TBC1D8B: variants seen among roughly 807,000 people sequenced by gnomAD.
TBC1D8B encodes the protein TBC1 domain family member 8B.
TBC1D8B carries 75 observed loss-of-function variants against 82.9 expected under a neutral mutation model. The ratio of observed to expected loss-of-function variants is 0.90; its 90% confidence interval spans 0.75 to 1.10. TBC1D8B has a LOEUF of 1.10. Ranked by LOEUF, TBC1D8B falls within the 50% of genes least tolerant of loss-of-function variation. The pLI is 0.00. For missense variants in TBC1D8B, 794 were observed against 796.9 expected, an observed-to-expected ratio of 1.00 and a Z score of 0.04; for synonymous variants, 276 against 276.8, an observed-to-expected ratio of 1.00 and a Z score of 0.03.
chrX:106,815,223 A>T (rs1196205018), intron 1 of TBC1D8B: 1 of 111,947 alleles, frequency 8.9e-6, no homozygotes, highest in Non-Finnish European at 1.9e-5. Flanking sequence ...TAATTTTTGT[A>T]TAAGGTGTAA....
chrX:106,838,883 A>G (rs1932236831), intron 7 of TBC1D8B, among the ~76,000 whole-genome samples: 1 of 111,679 alleles, frequency 9.0e-6, no homozygotes, highest in Non-Finnish European at 1.9e-5. Context: ...TGAAACTCCA[A>G]AAGATCCACT....
At chrX:106,816,432 C>T (rs1437239968) in intron 1 of TBC1D8B, among the ~76,000 whole-genome samples, 1 of 111,428 alleles carries the variant, frequency 9.0e-6, no homozygotes, top group Non-Finnish European at 1.9e-5. Flanking sequence ...CTCATAGTCA[C>T]TATTTCAATG....
At chrX:106,848,892 C>A (rs1205899087) in intron 11 of TBC1D8B, among the ~76,000 whole-genome samples, 1 of 109,532 alleles carries the variant, frequency 9.1e-6, no homozygotes, top group Non-Finnish European at 1.9e-5. Context: ...GCCTCAGCCT[C>A]CCGAGTAGCT....
At chrX:106,807,256 C>T (rs1931216350) in intron 1 of TBC1D8B, among the ~76,000 whole-genome samples, 2 of 101,652 alleles carry the variant, frequency 2.0e-5, no homozygotes, top group Admixed American at 1.1e-4. Context: ...AATAAGTTAA[C>T]ATTTTGGCTT....
chrX:106,818,562 A>G (rs1211153307), intron 1 of TBC1D8B, 101 bp from the exon 2 acceptor site: 3 of 564,490 alleles, frequency 5.3e-6, no homozygotes, highest in Non-Finnish European at 7.9e-6. Flanking sequence ...TATGGGCTAG[A>G]AAAGTTTTAA....
At position 106,809,884 on chromosome X, in the gene TBC1D8B, CA is replaced by C. The variant is rs1234195385; in HGVS notation, c.130+6921del. Among the ~76,000 whole-genome samples the C allele has an allele frequency of 9.8e-3, 361 of 36,770 alleles. 1 individual carries two copies. The highest frequency in any genetic ancestry group is 0.028 in the South Asian group (18 of 638). 31.9% of individuals were successfully genotyped at this position (36,770 alleles called of 115,157 possible). A position where few individuals can be genotyped will look rare whatever the true frequency, so the allele number is the denominator to read the frequency against. The stretch of plus-strand genomic sequence containing the variant: ...GGGTAACAAGAGTGAGACTCCGTCT[CA>C]AAAAAAAAAAAAAAAAAAAGACAGA... On this transcript the variant is annotated intron_variant, in intron 1 of 20. Transcript: ENST00000357242.
At position 106,865,995 on chromosome X, in the gene TBC1D8B, A is replaced by G; in HGVS notation, c.2624A>G (p.Asp875Gly). 1 of 1,208,352 alleles carries G rather than the reference A, an allele frequency of 8.3e-7. No homozygotes were observed. Among genetic ancestry groups the G allele is most frequent in the Non-Finnish European group, 1.1e-6 (1 of 894,119 alleles). The change falls in exon 16 of 21, where the codon GAT becomes GGT. Residue 875 changes from aspartate (D) to glycine (G), a missense_variant. By Grantham distance (94) the Asp-to-Gly change is moderately conservative. Coordinates refer to ENST00000357242, the MANE Select transcript of TBC1D8B (RefSeq NM_017752.3). The part of the protein sequence containing the change: ...WTFRLLDENS[D>G]CLINFKEFSS... ...TTCAGATTGTTAGATGAAAACTCTG[A>G]TTGCCTTATAAACTTCAAAGAATTC... is the stretch of plus-strand genomic sequence containing the variant.
At chrX:106,810,663 A>G (rs1195897015) in intron 1 of TBC1D8B, among the ~76,000 whole-genome samples, 1 of 112,151 alleles carries the variant, frequency 8.9e-6, no homozygotes, top group Non-Finnish European at 1.9e-5. Flanking sequence ...GTAATCTATC[A>G]GATATCCACT....
intron 7 of TBC1D8B, among the ~76,000 whole-genome samples, chrX:106,833,781 C>T (rs1179940839): frequency 9.1e-6 from 1 of 110,386 alleles, no homozygotes; most frequent in Non-Finnish European, 1.9e-5. Flanking sequence ...GGATACTTTT[C>T]CTGTAGTTTA....
At chrX:106,822,519 A>T (rs747877713) in intron 4 of TBC1D8B, among the ~76,000 whole-genome samples, 1 of 111,005 alleles carries the variant, frequency 9.0e-6, no homozygotes, top group South Asian at 3.8e-4. Context: ...TCTATTTTAA[A>T]CATACAATTT....
chrX:106,843,061 TG>T (rs1204614439), intron 10 of TBC1D8B, among the ~76,000 whole-genome samples: 4 of 112,113 alleles, frequency 3.6e-5, no homozygotes, highest in East Asian at 5.5e-4. Flanking sequence ...TTCCATTATA[TG>T]GATATATACC....
chrX:106,834,212 C>A (rs1217969463), intron 7 of TBC1D8B, among the ~76,000 whole-genome samples: 1 of 111,075 alleles, frequency 9.0e-6, no homozygotes, highest in Non-Finnish European at 1.9e-5. Context: ...GGGGAGGCCT[C>A]AGGAAACTTA....
intron 3 of TBC1D8B, 61 bp downstream of exon 3, chrX:106,821,056 G>A: frequency 1.6e-6 from 1 of 627,468 alleles, no homozygotes; most frequent in Non-Finnish European, 2.4e-6. Context: ...TCATGTATGA[G>A]GATCAAAGTT....
intron 1 of TBC1D8B, chrX:106,815,360 T>C (rs1931511382): frequency 9.0e-6 from 1 of 110,811 alleles, no homozygotes; most frequent in African/African-American, 3.3e-5. Flanking sequence ...TAGTTGTAGA[T>C]ATGCGGCATT....
chrX:106,825,879 T>C, intron 5 of TBC1D8B, 151 bp from the exon 6 acceptor site: 1 of 406,635 alleles, frequency 2.5e-6, no homozygotes, highest in Non-Finnish European at 4.0e-6. Context: ...TGTATTTTTT[T>C]CTATTTCAGA....
chrX:106,811,616 G>A (rs968147723), intron 1 of TBC1D8B, among the ~76,000 whole-genome samples: 3 of 111,852 alleles, frequency 2.7e-5, no homozygotes, highest in African/African-American at 9.7e-5. Flanking sequence ...TAACCAAAAT[G>A]ATGGGCCTGG....
At chrX:106,856,189 G>A (rs1345744439) in intron 14 of TBC1D8B, among the ~76,000 whole-genome samples, 4 of 111,531 alleles carry the variant, frequency 3.6e-5, no homozygotes, top group Non-Finnish European at 7.5e-5. Flanking sequence ...ATTTTTCTAT[G>A]AGATTGTCTT....
In TBC1D8B at chrX:106,873,589, C is replaced by T. The variant is rs145006944; in HGVS notation, c.2987C>T (p.Ser996Leu). ...TTCTAGTCTCAGTTTATTCAGTTTT[C>T]AAAGACCCTCTATAACTTATTTCAT... ...RMNQSQFIQF[S>L]KTLYNLFHED... Residue 996 changes from serine to leucine, a missense_variant, in exon 21 of 21, where the codon TCA (serine) becomes TTA (leucine). By Grantham distance (145) the Ser-to-Leu change is moderately radical. Coordinates refer to ENST00000357242, the MANE Select transcript of TBC1D8B (RefSeq NM_017752.3). 2.3e-5 allele frequency: 28 copies of T among 1,196,735 alleles called. No individual in the cohort carries two copies. The African/African-American group carries it at 5.0e-4, about 21-fold the overall frequency.
chrX:106,803,092 G>T, intron 1 of TBC1D8B, 109 bp downstream of exon 1: 2 of 943,824 alleles, frequency 2.1e-6, no homozygotes, highest in Non-Finnish European at 2.8e-6. Flanking sequence ...TAAATCGTGG[G>T]CGGAGGGACT....
Sources: gnomAD v4.1 joint callset for allele counts (sites outside exome capture counted in the v4.1 genomes callset) on GRCh38, gnomAD v4.1.1 for gene constraint, MANE v1.5 for transcripts, NCBI Gene and HGNC (gene_info 2026-07-23, HGNC 2026-07-21) for gene names.